Variants in UBE3A observed in about 807,000 individuals in gnomAD.
UBE3A encodes ubiquitin-protein ligase E3A.
UBE3A carries 6 observed loss-of-function variants against 83.4 expected under a neutral mutation model. The ratio of observed to expected loss-of-function variants is 0.07; its 90% CI spans 0.04 to 0.14. The LOEUF is 0.14. Among genes scored for constraint, UBE3A ranks in the 10% least tolerant of loss-of-function variants. The pLI is 1.00. For synonymous variants in UBE3A, 337 were observed against 355.4 expected (o/e 0.95, Z 0.58); for missense variants, 456 against 1,036.1 (o/e 0.44, Z 7.69).
rs1291981312 is a variant in UBE3A, at chr15:25,334,031, G to C, written c.*5106C>G. The C allele has an allele frequency of 6.6e-6, 1 of 151,696 alleles. No individual in the cohort carries two copies. The highest frequency in any genetic ancestry group is 1.5e-5 in the Non-Finnish European group (1 of 67,932). The allele number at this position is 151,696 out of a possible 1,614,324, so 9.4% of individuals were successfully genotyped here. A position where few individuals can be genotyped will look rare whatever the true frequency, so the allele number is the denominator to read the frequency against. On this transcript the variant is annotated 3_prime_UTR_variant, in exon 13 of 13. Coordinates refer to ENST00000648336, the MANE Select transcript of UBE3A (RefSeq NM_130839.5). ...CTGAATGCTTTCCCCTTAAAATCAG[G>C]AACAAGAAAAAGATGTCTGCTCTTG...
chr15:25,408,508 C>T, intron 3 of UBE3A: 1 of 1,377,576 alleles, frequency 7.3e-7, no homozygotes, highest in Non-Finnish European at 1.0e-6. Flanking sequence ...ATGTAAATCT[C>T]AGAATGAGAA....
At chr15:25,352,812 A>ATCAAC (rs2076699717) in intron 11 of UBE3A, among the ~76,000 whole-genome samples, 1 of 152,244 alleles carries the variant, frequency 6.6e-6, no homozygotes, top group Non-Finnish European at 1.5e-5. Flanking sequence ...TTAGAATATC[A>ATCAAC]TCAACTCTTG....
rs549433029 is a variant in UBE3A at position 25,429,156 on chromosome 15, CAT to C, written c.-165+9331_-165+9332del. On this transcript the variant is annotated intron_variant, in intron 1 of 12. Transcript: ENST00000648336. ...AAATTTAATACAAAAACCAACACCA[CAT>C]ATCACTTACAGATACATGTACACAT... 5.8e-3 allele frequency among the ~76,000 whole-genome samples: 889 copies of C among 152,296 alleles called. 10 individuals carry two copies. The highest frequency in any genetic ancestry group is 0.02 in the African/African-American group (849 of 41,554).
Position 25,356,087 on chromosome 15 carries a change from C to T in UBE3A, c.1960-31G>A, listed in dbSNP as rs751573656. 5 of 1,608,154 alleles carry T rather than the reference C, an allele frequency of 3.1e-6. No individual in the cohort carries two copies. In the Admixed American group the frequency reaches 5.0e-5, roughly 16 times the overall value. Reference sequence around the variant, plus strand: ...AACCAGAAATGGTAAATTGAGGCCACCATAGAACTACAAAATACAACAAAT... The same window carrying T: ...AACCAGAAATGGTAAATTGAGGCCATCATAGAACTACAAAATACAACAAAT... On this transcript the variant is annotated intron_variant, in intron 8 of 12. Transcript: ENST00000648336.
At chr15:25,434,331 C>T (rs1894358024) in intron 1 of UBE3A, among the ~76,000 whole-genome samples, 1 of 152,088 alleles carries the variant, frequency 6.6e-6, no homozygotes, top group African/African-American at 2.4e-5. Flanking sequence ...GTAATCCCAA[C>T]ACACTGGGAA....
intron 1 of UBE3A, among the ~76,000 whole-genome samples, chr15:25,429,584 C>T (rs761662963): frequency 2.0e-5 from 3 of 152,182 alleles, no homozygotes; most frequent in African/African-American, 4.8e-5. Context: ...CGCAGTGGCT[C>T]ATGTCTATAA....
chr15:25,371,924 T>A lies in UBE3A; in HGVS notation c.362-112A>T. 1.9e-6 allele frequency: 2 copies of A among 1,037,096 alleles called. No individual in the cohort carries two copies. Among genetic ancestry groups the A allele is most frequent in the Non-Finnish European group, 2.8e-6 (2 of 726,930 alleles). The allele number at this position is 1,037,096 out of a possible 1,614,324, so 64.2% of individuals were successfully genotyped here. A position where few individuals can be genotyped will look rare whatever the true frequency, so the allele number is the denominator to read the frequency against. On this transcript the variant is annotated intron_variant, in intron 5 of 12. Transcript: ENST00000648336. This position sits in a 1 kb window ranked among gnomAD's most constrained non-coding sequence, Gnocchi z 5.3. ...CAAACATTCTAGGCTCAATATCATT[T>A]ATGATATACAACTCTTAAAGTATCT... is the stretch of plus-strand genomic sequence containing the variant.
intron 1 of UBE3A, among the ~76,000 whole-genome samples, chr15:25,423,149 T>C (rs570539450): frequency 7.2e-5 from 11 of 152,118 alleles, no homozygotes; most frequent in Admixed American, 3.3e-4. Flanking sequence ...GAGATAATAT[T>C]TGCAAATTAT....
chr15:25,423,652 TAA>T (rs935045686), intron 1 of UBE3A, among the ~76,000 whole-genome samples: 1 of 152,236 alleles, frequency 6.6e-6, no homozygotes, highest in African/African-American at 2.4e-5. Context: ...TATTATATTT[TAA>T]AACATGCTTT....
intron 1 of UBE3A, among the ~76,000 whole-genome samples, chr15:25,431,987 T>C (rs938284038): frequency 1.3e-5 from 2 of 152,200 alleles, no homozygotes; most frequent in Non-Finnish European, 1.5e-5. Flanking sequence ...TAGCTTTATA[T>C]AGAAAACACT....
Position 25,340,246 on chromosome 15 carries a change from A to G in UBE3A, c.2355-18T>C. On this transcript the variant is annotated intron_variant, in intron 11 of 12. Transcript: ENST00000648336. Reference sequence around the variant, plus strand: ...AGAACTCCCTAATGAGAAAAAATACAATACTGGTTTCAGTTTGGCATTCAT... The same window carrying G: ...AGAACTCCCTAATGAGAAAAAATACGATACTGGTTTCAGTTTGGCATTCAT... 1 of 1,610,576 alleles carries G rather than the reference A, an allele frequency of 6.2e-7. No individual in the cohort carries two copies. The highest frequency in any genetic ancestry group is 1.1e-5 in the South Asian group (1 of 91,078).
chr15:25,394,908 A>G (rs1417364460), intron 4 of UBE3A, among the ~76,000 whole-genome samples: 1 of 152,188 alleles, frequency 6.6e-6, no homozygotes, highest in African/African-American at 2.4e-5. Flanking sequence ...CTAGTGGTAA[A>G]GAAGCAAAAC....
At chr15:25,397,046 A>G (rs187633642) in intron 4 of UBE3A, among the ~76,000 whole-genome samples, 168 of 152,342 alleles carry the variant, frequency 1.1e-3, no homozygotes, top group Admixed American at 1.9e-3. Context: ...TAGGACAAAT[A>G]CTATTAAGGT....
In UBE3A at chr15:25,339,271, A is replaced by AG. The variant is rs1359785864; in HGVS notation, c.2499-15dup. On this transcript the variant is annotated splice_polypyrimidine_tract_variant and intron_variant, in intron 12 of 12. Coordinates refer to ENST00000648336, the MANE Select transcript of UBE3A (RefSeq NM_130839.5). ...GATGTAGGTAACCTAAATAGAGAAA[A>AG]GGGGAAAAAAACAGGAAAACTGTAA... 2 of 1,610,784 alleles carry AG rather than the reference A, an allele frequency of 1.2e-6. No individual in the cohort carries two copies. Among genetic ancestry groups the AG allele is most frequent in the Admixed American group, 1.7e-5 (1 of 59,884 alleles).
intron 4 of UBE3A, among the ~76,000 whole-genome samples, chr15:25,384,617 T>G (rs1326952947): frequency 6.6e-6 from 1 of 151,522 alleles, no homozygotes; most frequent in Non-Finnish European, 1.5e-5. Flanking sequence ...TTCAAAGCAA[T>G]CCCTATCAAA....
Position 25,356,856 on chromosome 15 carries a change from A to G in UBE3A, c.1794T>C (p.Phe598=). 1.2e-6 allele frequency: 2 copies of G among 1,613,840 alleles called. No homozygotes were observed. Among genetic ancestry groups the G allele is most frequent in the Non-Finnish European group, 8.5e-7 (1 of 1,179,842 alleles). ...TYDESTKLFW[F]NPSSFETEGQ... is the part of the protein sequence containing the mutation. ...CCTCAGTTTCAAAAGAAGATGGATT[A>G]AACCAAAACAATTTTGTAGATTCAT... The change falls in exon 8 of 13, where the codon TTT becomes TTC. Residue 598 remains phenylalanine (F), a synonymous_variant. Coordinates refer to ENST00000648336, the MANE Select transcript of UBE3A (RefSeq NM_130839.5).
chr15:25,433,489 A>G (rs1184268878), intron 1 of UBE3A, among the ~76,000 whole-genome samples: 1 of 152,148 alleles, frequency 6.6e-6, no homozygotes, highest in Non-Finnish European at 1.5e-5. Flanking sequence ...CTTGGCCTCT[A>G]AAAAGCTCTT....
chr15:25,338,823 A>G lies in UBE3A; in HGVS notation c.*314T>C, dbSNP rs1260696862. 1.3e-5 allele frequency: 2 copies of G among 157,698 alleles called. No homozygotes were observed. The highest frequency in any genetic ancestry group is 1.4e-5 in the Non-Finnish European group (1 of 72,026). The allele number at this position is 157,698 out of a possible 1,614,324, so 9.8% of individuals were successfully genotyped here. ...AAGCAAAAGTGATTTAACCCTTAAA[A>G]TAAATATTCAGAAAAACCTCTCTGT... On this transcript the variant is annotated 3_prime_UTR_variant, in exon 13 of 13. Transcript: ENST00000648336.
chr15:25,387,914 TAAG>T (rs945444410), intron 4 of UBE3A, among the ~76,000 whole-genome samples: 3 of 152,188 alleles, frequency 2.0e-5, no homozygotes, highest in Non-Finnish European at 4.4e-5. Context: ...ATTAGAACTC[TAAG>T]AAGAAATAAT....
Sources: gnomAD v4.1 joint callset for allele counts (sites outside exome capture counted in the v4.1 genomes callset) on GRCh38, gnomAD v4.1.1 for gene constraint, Gnocchi (gnomAD v3.1) non-coding constraint, MANE v1.5 for transcripts, NCBI Gene and HGNC (gene_info 2026-07-23, HGNC 2026-07-21) for gene names.